Variants in CDKAL1 observed in about 807,000 individuals in gnomAD.
CDKAL1 encodes the protein CDKAL1 threonylcarbamoyladenosine tRNA methylthiotransferase, also known as threonylcarbamoyladenosine tRNA methylthiotransferase.
In CDKAL1, 32 loss-of-function variants were observed where a neutral mutation model predicts 68.2. That is an observed-to-expected ratio of 0.47 (90% CI 0.35 to 0.63). The LOEUF (loss-of-function observed/expected upper bound fraction) is 0.63, where lower values mean the gene tolerates loss of function less well. CDKAL1 is among the 30% of genes least tolerant of loss of function. The probability of loss-of-function intolerance (pLI) is 0.00; values close to 1 mark genes in which losing one functional copy is unlikely to be tolerated. For missense variants in CDKAL1, 606 were observed against 696.7 expected, an observed-to-expected ratio of 0.87 and a Z score of 1.47; for synonymous variants, 234 against 244.3, an observed-to-expected ratio of 0.96 and a Z score of 0.39.
At chr6:21,203,691 CTTTTTTTTTTTTTT>C (rs915087377) in intron 15 of CDKAL1, among the ~76,000 whole-genome samples, 1 of 94,132 alleles carries the variant, frequency 1.1e-5, no homozygotes, top group Non-Finnish European at 2.1e-5. Context: ...CACTTGACCT[CTTTTTTTTTTTTTT>C]TTTTTTTTTT....
At chr6:20,805,382 T>C (rs189031969) in intron 8 of CDKAL1, among the ~76,000 whole-genome samples, 1 of 152,352 alleles carries the variant, frequency 6.6e-6, no homozygotes, top group East Asian at 1.9e-4. Flanking sequence ...AAATTGCAGT[T>C]ACAACTAACT....
At chr6:20,777,390 A>G (rs757046878) in intron 7 of CDKAL1, among the ~76,000 whole-genome samples, 3 of 152,198 alleles carry the variant, frequency 2.0e-5, no homozygotes, top group Non-Finnish European at 2.9e-5. Context: ...AGGTGGGAGT[A>G]TCACCTAATC....
At chr6:20,540,299 T>C (rs1581694463) in intron 2 of CDKAL1, among the ~76,000 whole-genome samples, 1 of 152,006 alleles carries the variant, frequency 6.6e-6, no homozygotes, top group Non-Finnish European at 1.5e-5. Context: ...GGTCTTGAAC[T>C]CCTGACCTTG....
intron 5 of CDKAL1, among the ~76,000 whole-genome samples, chr6:20,737,717 T>A (rs1451819601): frequency 6.6e-6 from 1 of 152,252 alleles, no homozygotes; most frequent in Non-Finnish European, 1.5e-5. Flanking sequence ...CAGGCAATAA[T>A]TCTCTTGGAT....
chr6:21,201,693 A>T (rs1175667039), intron 15 of CDKAL1, among the ~76,000 whole-genome samples: 1 of 152,232 alleles, frequency 6.6e-6, no homozygotes, highest in African/African-American at 2.4e-5. Flanking sequence ...AAACCATATC[A>T]TATATGCAGT....
intron 10 of CDKAL1, among the ~76,000 whole-genome samples, chr6:20,973,385 A>G (rs1265709236): frequency 6.6e-6 from 1 of 152,220 alleles, no homozygotes; most frequent in African/African-American, 2.4e-5. Flanking sequence ...CAAAGTCAAA[A>G]GTACCTGTGG....
At chr6:20,836,759 G>A (rs569689909) in intron 8 of CDKAL1, among the ~76,000 whole-genome samples, 1 of 152,184 alleles carries the variant, frequency 6.6e-6, no homozygotes, top group East Asian at 1.9e-4. Flanking sequence ...TTCCAATAAA[G>A]AAAAGAGCTC....
intron 8 of CDKAL1, among the ~76,000 whole-genome samples, chr6:20,830,388 C>T (rs978414904): frequency 3.9e-5 from 6 of 152,164 alleles, no homozygotes; most frequent in Admixed American, 1.3e-4. Flanking sequence ...AAGTTGAGAA[C>T]AGTAACATGA....
chr6:20,858,215 A>G (rs998600194), intron 9 of CDKAL1, among the ~76,000 whole-genome samples: 4 of 152,178 alleles, frequency 2.6e-5, no homozygotes, highest in Admixed American at 6.5e-5. Context: ...AGATTTTGAT[A>G]CTGAGCTAGG....
intron 9 of CDKAL1, among the ~76,000 whole-genome samples, chr6:20,901,358 T>C (rs1289430152): frequency 6.6e-6 from 1 of 151,998 alleles, no homozygotes; most frequent in East Asian, 1.9e-4. Flanking sequence ...GACATAACTA[T>C]GTCACCAGCA....
intron 13 of CDKAL1, among the ~76,000 whole-genome samples, chr6:21,177,946 G>A (rs1384896979): frequency 6.6e-6 from 1 of 151,962 alleles, no homozygotes; most frequent in African/African-American, 2.4e-5. Flanking sequence ...TTTATATATG[G>A]TTCTTTAAGC....
At chr6:21,180,260 C>T (rs904620653) in intron 13 of CDKAL1, among the ~76,000 whole-genome samples, 5 of 151,984 alleles carry the variant, frequency 3.3e-5, no homozygotes, top group Admixed American at 2.0e-4. Context: ...AAATTTTCTC[C>T]ATCTGATGCT....
intron 9 of CDKAL1, among the ~76,000 whole-genome samples, chr6:20,857,036 G>A (rs1329744862): frequency 3.9e-5 from 6 of 152,266 alleles, no homozygotes; most frequent in East Asian, 3.9e-4. Flanking sequence ...CAGGTAAGGC[G>A]AGCAAAATTT....
At position 20,946,099 on chromosome 6, in the gene CDKAL1, A is replaced by G. The variant is rs543740502; in HGVS notation, c.743-9320A>G. ...TATACATATTGCATAATTATTGGCT[A>G]TGACAGTGCATTGTTTATCAACATG... On this transcript the variant is annotated intron_variant, in intron 9 of 15. Coordinates refer to ENST00000274695, the MANE Select transcript of CDKAL1 (RefSeq NM_017774.3). Among the ~76,000 whole-genome samples, 30 of 152,352 alleles carry G rather than the reference A, an allele frequency of 2.0e-4. 1 individual carries two copies. The highest frequency in any genetic ancestry group is 6.7e-4 in the African/African-American group (28 of 41,584).
intron 9 of CDKAL1, among the ~76,000 whole-genome samples, chr6:20,945,248 C>T (rs1342653186): frequency 6.6e-6 from 1 of 151,980 alleles, no homozygotes; most frequent in Non-Finnish European, 1.5e-5. Flanking sequence ...TTTTTGAGTG[C>T]CAACATGACA....
chr6:21,043,343 G>A (rs376671828), intron 11 of CDKAL1, among the ~76,000 whole-genome samples: 2 of 120,952 alleles, frequency 1.7e-5, no homozygotes, highest in African/African-American at 2.9e-5. Context: ...ATGTGTGTGT[G>A]TGTTTGTGTG....
In CDKAL1 at chr6:21,013,937, G is replaced by T. The variant is rs142137842; in HGVS notation, c.1055+13565G>T. 2.3e-3 allele frequency among the ~76,000 whole-genome samples: 353 copies of T among 152,326 alleles called. 1 individual carries two copies. The highest frequency in any genetic ancestry group is 8.1e-3 in the African/African-American group (338 of 41,570). On this transcript the variant is annotated intron_variant, in intron 11 of 15. Coordinates refer to ENST00000274695, the MANE Select transcript of CDKAL1 (RefSeq NM_017774.3). ...AAGATGCTTAAGATGTAGCAATCTTGTGCTGGTGGACAGTCCACAGCATCA... is the reference window on the plus strand; with the variant it reads ...AAGATGCTTAAGATGTAGCAATCTTTTGCTGGTGGACAGTCCACAGCATCA...
chr6:20,861,778 G>A (rs948921026), intron 9 of CDKAL1, among the ~76,000 whole-genome samples: 8 of 152,152 alleles, frequency 5.3e-5, no homozygotes, highest in African/African-American at 1.9e-4. Flanking sequence ...GCCCTGAGCC[G>A]CCATTGTCAG....
intron 4 of CDKAL1, among the ~76,000 whole-genome samples, chr6:20,551,021 A>G (rs1763801478): frequency 6.6e-6 from 1 of 151,950 alleles, no homozygotes; most frequent in South Asian, 2.1e-4. Context: ...GCCCGCCACC[A>G]TGCCTGGCTA....
Sources: allele counts gnomAD v4.1 joint callset (sites outside exome capture counted in the v4.1 genomes callset), GRCh38; gene constraint gnomAD v4.1.1; transcripts MANE v1.5; gene names NCBI Gene and HGNC (gene_info 2026-07-23, HGNC 2026-07-21).